The following LSAMP variants were observed in gnomAD, a reference collection of about 807,000 sequenced individuals.
The protein encoded by LSAMP is limbic system associated membrane protein, also known as limbic system-associated membrane protein.
A neutral mutation model predicts 38.6 loss-of-function variants in LSAMP; 7 were observed. That is an observed-to-expected ratio of 0.18 (90% CI 0.10 to 0.34). The LOEUF (loss-of-function observed/expected upper bound fraction) is 0.34, where lower values mean the gene tolerates loss of function less well. Ranked by LOEUF, LSAMP falls within the 10% of genes least tolerant of loss-of-function variation. The pLI is 1.00. For missense variants in LSAMP, 313 were observed against 420.0 expected (o/e 0.75, Z 2.23); for synonymous variants, 154 against 166.8 (o/e 0.92, Z 0.59).
chr3:116,346,327 C>CTTTTTTTTTTTTTTTTTTT (rs11391341), intron 1 of LSAMP, among the ~76,000 whole-genome samples: 1 of 142,274 alleles, frequency 7.0e-6, no homozygotes. Flanking sequence ...TTAGTTTTAT[C>CTTTTTTTTTTTTTTTTTTT]TTTTTTTTTT....
intron 3 of LSAMP, among the ~76,000 whole-genome samples, chr3:115,958,223 T>G (rs1474726953): frequency 1.3e-5 from 2 of 152,206 alleles, no homozygotes; most frequent in African/African-American, 2.4e-5. Flanking sequence ...TAATATAACT[T>G]GAATTTCTTA....
chr3:116,212,504 GT>G (rs2046170817), intron 1 of LSAMP, among the ~76,000 whole-genome samples: 1 of 151,586 alleles, frequency 6.6e-6, no homozygotes, highest in Non-Finnish European at 1.5e-5. Context: ...CATTTACCCT[GT>G]TAAGGCTAAG....
rs374989206 is a variant in LSAMP at position 115,836,235 on chromosome 3, T to C, written c.919+5610A>G. On this transcript the variant is annotated intron_variant, in intron 6 of 6. Coordinates refer to ENST00000490035, the MANE Select transcript of LSAMP (RefSeq NM_002338.5). Reference sequence around the variant, plus strand: ...CACCCTGTTATCATCGTCTTAGGCCTATCACGCCCCATTAGTTATTCTCAT... The same window carrying C: ...CACCCTGTTATCATCGTCTTAGGCCCATCACGCCCCATTAGTTATTCTCAT... Among the ~76,000 whole-genome samples, 27 of 152,306 alleles carry C rather than the reference T, an allele frequency of 1.8e-4. No homozygotes were observed. The East Asian group carries it at 3.9e-3, about 22-fold the overall frequency.
intron 1 of LSAMP, among the ~76,000 whole-genome samples, chr3:116,180,557 C>A (rs933788462): frequency 9.9e-5 from 15 of 152,074 alleles, no homozygotes; most frequent in African/African-American, 3.1e-4. Context: ...TCACACAATT[C>A]TTCTTATGAT....
intron 4 of LSAMP, among the ~76,000 whole-genome samples, chr3:115,844,037 T>C (rs1273547677): frequency 1.3e-5 from 2 of 152,178 alleles, no homozygotes; most frequent in African/African-American, 4.8e-5. Flanking sequence ...TGGGACTTAG[T>C]TTGAGTTTGG....
intron 6 of LSAMP, among the ~76,000 whole-genome samples, chr3:115,820,828 T>C (rs1934205478): frequency 6.6e-6 from 1 of 152,190 alleles, no homozygotes; most frequent in Non-Finnish European, 1.5e-5. Context: ...GAGATTCTAT[T>C]TTCTTTTTAG....
chr3:115,874,275 G>A (rs886389541), intron 3 of LSAMP, among the ~76,000 whole-genome samples: 1 of 152,058 alleles, frequency 6.6e-6, no homozygotes, highest in African/African-American at 2.4e-5. Flanking sequence ...TTGGGAACCA[G>A]CTCCAATGCC....
chr3:116,202,508 G>A (rs558035969), intron 1 of LSAMP, among the ~76,000 whole-genome samples: 3 of 151,814 alleles, frequency 2.0e-5, no homozygotes, highest in South Asian at 4.2e-4. Flanking sequence ...GCAGTGGTGC[G>A]ATCATAGCTC....
chr3:115,860,279 C>G (rs1935636823), intron 3 of LSAMP, among the ~76,000 whole-genome samples: 1 of 152,198 alleles, frequency 6.6e-6, no homozygotes. Flanking sequence ...GGTCAAGAAA[C>G]TTGCCCAAGC....
At chr3:115,861,122 CTTCTTTCT>C (rs1360871882) in intron 3 of LSAMP, among the ~76,000 whole-genome samples, 15 of 85,846 alleles carry the variant, frequency 1.7e-4, no homozygotes, top group East Asian at 3.4e-4. Context: ...TCCCTCCTTC[CTTCTTTCT>C]TTCCTTCCTT....
At chr3:116,000,370 C>T (rs1285528086) in intron 3 of LSAMP, among the ~76,000 whole-genome samples, 1 of 152,052 alleles carries the variant, frequency 6.6e-6, no homozygotes, top group Admixed American at 6.6e-5. Context: ...GTAAATTTCC[C>T]CAGAACCCCT....
At chr3:115,942,908 T>C (rs998669645) in intron 3 of LSAMP, among the ~76,000 whole-genome samples, 18 of 152,140 alleles carry the variant, frequency 1.2e-4, no homozygotes, top group African/African-American at 4.1e-4. Flanking sequence ...TTGTCAACAT[T>C]AGTGCTTTAT....
intron 1 of LSAMP, among the ~76,000 whole-genome samples, chr3:116,259,006 A>G (rs2046791652): frequency 6.6e-6 from 1 of 152,166 alleles, no homozygotes; most frequent in Admixed American, 6.5e-5. Context: ...CCAAATCTGT[A>G]GACATTAGGA....
At chr3:115,851,938 C>T (rs1935344511) in intron 4 of LSAMP, among the ~76,000 whole-genome samples, 1 of 152,144 alleles carries the variant, frequency 6.6e-6, no homozygotes, top group Non-Finnish European at 1.5e-5. Context: ...CTTTCTAATG[C>T]CCATACTTTG....
At chr3:116,290,448 T>C (rs1384791287) in intron 1 of LSAMP, among the ~76,000 whole-genome samples, 1 of 152,008 alleles carries the variant, frequency 6.6e-6, no homozygotes, top group African/African-American at 2.4e-5. Flanking sequence ...AAAAGTACTT[T>C]TGGCTGGGCG....
Position 116,390,132 on chromosome 3 carries a change from T to TACACACAC in LSAMP, c.155+54737_155+54744dup, listed in dbSNP as rs10661312. ...CTTAAATTATATATGTATGTATGTA[T>TACACACAC]ACACACACACACACACACACACACA... is the stretch of plus-strand genomic sequence containing the variant. On this transcript the variant is annotated intron_variant, in intron 1 of 6. Transcript: ENST00000490035. Among the ~76,000 whole-genome samples, 621 of 147,356 alleles carry TACACACAC rather than the reference T, an allele frequency of 4.2e-3. 4 individuals are homozygous for TACACACAC. Among genetic ancestry groups the TACACACAC allele is most frequent in the Non-Finnish European group, 5.4e-3 (358 of 66,480 alleles).
intron 1 of LSAMP, among the ~76,000 whole-genome samples, chr3:116,161,902 C>G (rs1709896935): frequency 6.6e-6 from 1 of 151,944 alleles, no homozygotes; most frequent in African/African-American, 2.4e-5. Context: ...AAAACACACA[C>G]ATATACACGT....
intron 6 of LSAMP, among the ~76,000 whole-genome samples, chr3:115,828,940 C>T (rs907106094): frequency 2.6e-5 from 4 of 152,094 alleles, no homozygotes; most frequent in East Asian, 3.9e-4. Flanking sequence ...GATCCAGATT[C>T]GAAAACCAGG....
intron 1 of LSAMP, among the ~76,000 whole-genome samples, chr3:116,121,713 T>A (rs1370324075): frequency 6.6e-6 from 1 of 152,118 alleles, no homozygotes; most frequent in Non-Finnish European, 1.5e-5. Flanking sequence ...AGGATTCACC[T>A]AAGGTAACAC....
Sources: allele counts gnomAD v4.1 joint callset (sites outside exome capture counted in the v4.1 genomes callset), GRCh38; gene constraint gnomAD v4.1.1; transcripts MANE v1.5; gene names NCBI Gene and HGNC (gene_info 2026-07-23, HGNC 2026-07-21).